Variants in CNTN6 observed in about 807,000 individuals in gnomAD.
CNTN6 encodes the protein contactin 6.
A neutral mutation model predicts 122.8 loss-of-function variants in CNTN6; 137 were observed. The observed-to-expected ratio is 1.12, with a 90% CI of 0.97 to 1.29. The LOEUF (loss-of-function observed/expected upper bound fraction) is 1.29. Among genes scored for constraint, CNTN6 ranks in the 50% most tolerant of loss-of-function variants. The pLI is 0.00. For missense variants in CNTN6, 1,634 were observed against 1,223.4 expected, an observed-to-expected ratio of 1.34 and a Z score of -5.01; for synonymous variants, 570 against 426.0, an observed-to-expected ratio of 1.34 and a Z score of -4.16.
chr3:1,109,320 GATGC>G (rs1289668426), intron 1 of CNTN6, among the ~76,000 whole-genome samples: 1 of 152,056 alleles, frequency 6.6e-6, no homozygotes, highest in Non-Finnish European at 1.5e-5. Context: ...CCTTTTTGGA[GATGC>G]ATGCAAAATT....
In CNTN6 at chr3:1,245,305, T is replaced by TA. The variant is rs1192618728; in HGVS notation, c.358+17313dup. Among the ~76,000 whole-genome samples the TA allele has an allele frequency of 3.8e-4, 4 of 10,612 alleles. 1 individual carries two copies. The highest frequency in any genetic ancestry group is 7.8e-4 in the African/African-American group (2 of 2,552). 7.0% of individuals were successfully genotyped at this position (10,612 alleles called of 152,430 possible). On this transcript the variant is annotated intron_variant, in intron 4 of 22. Coordinates refer to ENST00000446702, the MANE Select transcript of CNTN6 (RefSeq NM_001289080.2). ...CACATATATATATAACATATATATA[T>TA]ATATATATATATATATATATATATA...
chr3:1,146,179 A>G (rs534133801), intron 1 of CNTN6, among the ~76,000 whole-genome samples: 1 of 152,278 alleles, frequency 6.6e-6, no homozygotes, highest in African/African-American at 2.4e-5. Flanking sequence ...GTTCTGCTCA[A>G]CATTCTCAAT....
At chr3:1,217,815 C>T (rs762621638) in intron 2 of CNTN6, among the ~76,000 whole-genome samples, 15 of 152,150 alleles carry the variant, frequency 9.9e-5, no homozygotes, top group Non-Finnish European at 1.8e-4. Flanking sequence ...AGGCTGAGGC[C>T]GGGTATTCTC....
intron 4 of CNTN6, among the ~76,000 whole-genome samples, chr3:1,234,303 G>T (rs2094394711): frequency 6.6e-6 from 1 of 152,062 alleles, no homozygotes; most frequent in Non-Finnish European, 1.5e-5. Flanking sequence ...GTAACATAAA[G>T]GTCTTTGACT....
intron 7 of CNTN6, 42 bp downstream of exon 7, chr3:1,298,033 A>ATT: frequency 7.0e-7 from 1 of 1,420,574 alleles, no homozygotes; most frequent in Admixed American, 2.1e-5. Flanking sequence ...GGTTGCATTA[A>ATT]TTTTTTTTTA....
At chr3:1,104,674 A>G (rs1454768610) in intron 1 of CNTN6, among the ~76,000 whole-genome samples, 2 of 152,126 alleles carry the variant, frequency 1.3e-5, no homozygotes, top group Non-Finnish European at 2.9e-5. Context: ...AAATTTGGAG[A>G]AGACAAAATA....
At chr3:1,305,246 G>A (rs959635156) in intron 7 of CNTN6, among the ~76,000 whole-genome samples, 1 of 152,090 alleles carries the variant, frequency 6.6e-6, no homozygotes, top group Non-Finnish European at 1.5e-5. Flanking sequence ...GAGAAGAACA[G>A]GTGAAGTGTT....
At chr3:1,094,366 AC>A (rs1228804385) in intron 1 of CNTN6, among the ~76,000 whole-genome samples, 1 of 152,198 alleles carries the variant, frequency 6.6e-6, no homozygotes, top group East Asian at 1.9e-4. Context: ...AAAAAGAAAT[AC>A]AGAAGCATTT....
intron 2 of CNTN6, among the ~76,000 whole-genome samples, chr3:1,208,945 G>T (rs1403205433): frequency 9.2e-5 from 14 of 152,104 alleles, no homozygotes; most frequent in Non-Finnish European, 8.8e-5. Flanking sequence ...GCTAATAAAA[G>T]TTGGTCGAGT....
chr3:1,204,592 G>A (rs2093932702), intron 2 of CNTN6, among the ~76,000 whole-genome samples: 1 of 152,062 alleles, frequency 6.6e-6, no homozygotes, highest in Non-Finnish European at 1.5e-5. Context: ...CTTCTTTATA[G>A]AGCAACCTGT....
chr3:1,327,442 CT>C lies in CNTN6; in HGVS notation c.1084-11del. On this transcript the variant is annotated splice_polypyrimidine_tract_variant and intron_variant, in intron 9 of 22. Transcript: ENST00000446702. ...TTAACGTACAAGCATCTTTATATGCCTTTTCCTTTATTAGGAGAGAATTCAA... is the reference window on the plus strand; with the variant it reads ...TTAACGTACAAGCATCTTTATATGCCTTTCCTTTATTAGGAGAGAATTCAA... 1.2e-6 allele frequency: 2 copies of C among 1,607,860 alleles called. No homozygotes were observed. The highest frequency in any genetic ancestry group is 1.7e-6 in the Non-Finnish European group (2 of 1,176,370).
chr3:1,104,980 A>G lies in CNTN6; in HGVS notation c.-83+11860A>G, dbSNP rs970883822. Among the ~76,000 whole-genome samples, 3 of 152,134 alleles carry G rather than the reference A, an allele frequency of 2.0e-5. 1 individual carries two copies. The East Asian group carries it at 5.8e-4, about 29-fold the overall frequency. ...AATTTATTGAACAATGCTATGGTAC[A>G]TATCCTTGTACCTGAATCTTTTAAT... On this transcript the variant is annotated intron_variant, in intron 1 of 22. Coordinates refer to ENST00000446702, the MANE Select transcript of CNTN6 (RefSeq NM_001289080.2).
intron 2 of CNTN6, among the ~76,000 whole-genome samples, chr3:1,156,229 A>G (rs1457056990): frequency 6.6e-6 from 1 of 152,156 alleles, no homozygotes; most frequent in African/African-American, 2.4e-5. Context: ...GGCAAATCCA[A>G]TCTTTAACAC....
chr3:1,241,500 G>T (rs984989712), intron 4 of CNTN6, among the ~76,000 whole-genome samples: 6 of 152,044 alleles, frequency 3.9e-5, no homozygotes, highest in African/African-American at 1.5e-4. Flanking sequence ...ATATGGTTTT[G>T]GATGAATTGA....
At chr3:1,162,474 A>C (rs896897775) in intron 2 of CNTN6, among the ~76,000 whole-genome samples, 2 of 152,202 alleles carry the variant, frequency 1.3e-5, no homozygotes, top group African/African-American at 4.8e-5. Context: ...AGTGTGTTCT[A>C]ATATCAAATC....
chr3:1,327,372 C>A, intron 9 of CNTN6, 85 bp from the exon 10 acceptor site: 2 of 1,362,162 alleles, frequency 1.5e-6, no homozygotes, highest in Non-Finnish European at 2.1e-6. Flanking sequence ...CATAGATATA[C>A]ACAAATGTTG....
At chr3:1,206,377 G>A (rs1043013736) in intron 2 of CNTN6, among the ~76,000 whole-genome samples, 2 of 152,066 alleles carry the variant, frequency 1.3e-5, no homozygotes, top group Admixed American at 6.6e-5. Context: ...CACTTACTCT[G>A]CCTTCCCTCC....
chr3:1,386,834 A>ATATT (rs1297135404), intron 20 of CNTN6, among the ~76,000 whole-genome samples: 1 of 151,586 alleles, frequency 6.6e-6, no homozygotes, highest in Non-Finnish European at 1.5e-5. Flanking sequence ...TTACACCACC[A>ATATT]TATTTGGAAA....
chr3:1,231,248 C>T (rs17036031), intron 4 of CNTN6, among the ~76,000 whole-genome samples: 2,757 of 152,240 alleles, frequency 0.018, 64 homozygotes, highest in African/African-American at 0.061. Flanking sequence ...CAGAAAAAAG[C>T]GGGTGCAGAA....
Sources: allele counts gnomAD v4.1 joint callset (sites outside exome capture counted in the v4.1 genomes callset), GRCh38; gene constraint gnomAD v4.1.1; transcripts MANE v1.5; gene names NCBI Gene and HGNC (gene_info 2026-07-23, HGNC 2026-07-21).